Variants in RNF32 observed in about 807,000 individuals in gnomAD.
RNF32 encodes the protein ring finger protein 32.
Under a neutral mutation model 41.0 loss-of-function variants are expected in RNF32, and 36 were observed. That is an observed-to-expected ratio of 0.88 (90% CI 0.67 to 1.16). The LOEUF is 1.16. Ranked by LOEUF, RNF32 falls within the 50% of genes most tolerant of loss-of-function variation. The probability of loss-of-function intolerance (pLI) is 0.00; values close to 1 mark genes in which losing one functional copy is unlikely to be tolerated. For synonymous variants in RNF32, 154 were observed against 160.9 expected, an observed-to-expected ratio of 0.96 and a Z score of 0.32; for missense variants, 413 against 436.7, an observed-to-expected ratio of 0.95 and a Z score of 0.48.
At chr7:156,659,466 G>GT (rs1305446040) in intron 7 of RNF32, 4 of 985,168 alleles carry the variant, frequency 4.1e-6, no homozygotes, top group Non-Finnish European at 4.8e-6. Context: ...ATTCTTTCCA[G>GT]TTTTTTATCT....
intron 7 of RNF32, among the ~76,000 whole-genome samples, chr7:156,664,443 A>G (rs972556239): frequency 1.3e-5 from 2 of 152,192 alleles, no homozygotes; most frequent in Non-Finnish European, 2.9e-5. Context: ...CCTGGGCGAC[A>G]AGAGTCAAAC....
At position 156,670,843 on chromosome 7, in the gene RNF32, C is replaced by G. The variant is rs960589212; in HGVS notation, c.685-4853C>G. ...CGTTAAAGGAAATTCTAAAGGATGC[C>G]TTGCATGAGGAAGGAAAATGGCCCC... On this transcript the variant is annotated intron_variant, in intron 7 of 8. Transcript: ENST00000317955. This position sits in a 1 kb window ranked among gnomAD's most constrained non-coding sequence, Gnocchi z 4.3. Among the ~76,000 whole-genome samples the G allele has an allele frequency of 6.6e-6, 1 of 152,168 alleles. No individual in the cohort carries two copies. The highest frequency in any genetic ancestry group is 1.5e-5 in the Non-Finnish European group (1 of 68,046).
intron 7 of RNF32, among the ~76,000 whole-genome samples, chr7:156,665,221 T>C (rs1192475230): frequency 6.6e-6 from 1 of 152,220 alleles, no homozygotes; most frequent in Admixed American, 6.5e-5. Context: ...GAACAATGAC[T>C]TTATCAAGGC....
intron 8 of RNF32, 54 bp downstream of exon 8, chr7:156,675,917 C>CTGTGGGGAGTGGCA: frequency 6.4e-7 from 1 of 1,564,088 alleles, no homozygotes; most frequent in Non-Finnish European, 8.7e-7. Flanking sequence ...GCTGCAGAGG[C>CTGTGGGGAGTGGCA]TGTGGGGAGT....
intron 7 of RNF32, among the ~76,000 whole-genome samples, chr7:156,662,864 T>C (rs1481326251): frequency 6.6e-6 from 1 of 151,288 alleles, no homozygotes; most frequent in Non-Finnish European, 1.5e-5. Context: ...TTTTTTTTTT[T>C]TGAGGCACAG....
At chr7:156,656,427 A>G (rs1396462029) in intron 4 of RNF32, among the ~76,000 whole-genome samples, 3 of 152,248 alleles carry the variant, frequency 2.0e-5, no homozygotes, top group Admixed American at 6.5e-5. Flanking sequence ...AAAGTATTCT[A>G]TAAAGAATGA....
Position 156,657,656 on chromosome 7 carries a change from C to A in RNF32, c.450+83C>A. 3 of 1,288,348 alleles carry A rather than the reference C, an allele frequency of 2.3e-6. No homozygotes were observed. The South Asian group carries it at 3.6e-5, about 15-fold the overall frequency. The allele number at this position is 1,288,348 out of a possible 1,614,324, so 79.8% of individuals were successfully genotyped here. Reference sequence around the variant, plus strand: ...GAAACCATAGTCATTTTCAAGGCTCCTAAGGAGAGCCATTTATTTTATTCA... The same window carrying A: ...GAAACCATAGTCATTTTCAAGGCTCATAAGGAGAGCCATTTATTTTATTCA... On this transcript the variant is annotated intron_variant, in intron 5 of 8. Coordinates refer to ENST00000317955, the MANE Select transcript of RNF32 (RefSeq NM_030936.4).
chr7:156,675,375 A>G (rs902479677), intron 7 of RNF32, among the ~76,000 whole-genome samples: 3 of 152,168 alleles, frequency 2.0e-5, no homozygotes, highest in African/African-American at 7.2e-5. Flanking sequence ...GGGAGAGGTC[A>G]GACGGTCCCT....
At position 156,644,490 on chromosome 7, in the gene RNF32, A is replaced by G; in HGVS notation, c.16-9A>G. 1.2e-6 allele frequency: 2 copies of G among 1,601,374 alleles called. No individual in the cohort carries two copies. The highest frequency in any genetic ancestry group is 2.2e-4 in the Middle Eastern group (1 of 4,530). The stretch of plus-strand genomic sequence containing the variant: ...CTCCTCTAAATATGACTTTTTTCCT[A>G]CTTTTTAGGGTCACTCATCTAAGAA... On this transcript the variant is annotated splice_polypyrimidine_tract_variant and intron_variant, in intron 2 of 8. Coordinates refer to ENST00000317955, the MANE Select transcript of RNF32 (RefSeq NM_030936.4).
intron 1 of RNF32, among the ~76,000 whole-genome samples, chr7:156,642,258 C>T (rs189710374): frequency 3.9e-5 from 6 of 152,340 alleles, no homozygotes. Context: ...AAAGTTCCCA[C>T]AGCACATTCC....
At chr7:156,641,646 A>G (rs1797337404) in intron 1 of RNF32, among the ~76,000 whole-genome samples, 1 of 152,242 alleles carries the variant, frequency 6.6e-6, no homozygotes, top group Non-Finnish European at 1.5e-5. Context: ...TCTTACCTTG[A>G]TATTAATGAC....
Position 156,676,930 on chromosome 7 carries a change from G to A in RNF32, c.*275G>A. The A allele has an allele frequency of 2.6e-6, 1 of 385,044 alleles. No homozygotes were observed. The highest frequency in any genetic ancestry group is 4.8e-6 in the Non-Finnish European group (1 of 209,134). The allele number at this position is 385,044 out of a possible 1,614,324, so 23.9% of individuals were successfully genotyped here. A position where few individuals can be genotyped will look rare whatever the true frequency, so the allele number is the denominator to read the frequency against. On this transcript the variant is annotated 3_prime_UTR_variant, in exon 9 of 9. Coordinates refer to ENST00000317955, the MANE Select transcript of RNF32 (RefSeq NM_030936.4). The stretch of plus-strand genomic sequence containing the variant: ...GAGCTTGCTTACTTCTAAAAATTGA[G>A]GTTAAGATATAGCTAGTGTCTGAAC...
chr7:156,642,304 A>T (rs1219060415), intron 1 of RNF32, among the ~76,000 whole-genome samples: 1 of 152,200 alleles, frequency 6.6e-6, no homozygotes, highest in African/African-American at 2.4e-5. Flanking sequence ...CTAAATAAAG[A>T]CCAAAGCACT....
Position 156,659,780 on chromosome 7 carries a change from A to G in RNF32, c.684+1210A>G, listed in dbSNP as rs867674067. ...CAACCATTACAATGTGCCTTGTGTT[A>G]TCTTGTAAAGTAGCCAGTGAAGGTT... On this transcript the variant is annotated intron_variant, in intron 7 of 8. Transcript: ENST00000317955. 24 of 686,592 alleles carry G rather than the reference A, an allele frequency of 3.5e-5. No homozygotes were observed. In the South Asian group the frequency reaches 1.3e-3, roughly 37 times the overall value. The allele number at this position is 686,592 out of a possible 1,614,324, so 42.5% of individuals were successfully genotyped here.
chr7:156,640,517 A>C (rs990403159), upstream of RNF32: 1 of 359,726 alleles, frequency 2.8e-6, no homozygotes, highest in Non-Finnish European at 5.3e-6. Flanking sequence ...CCGCTGCGCG[A>C]GCCTCGACGG....
At chr7:156,671,640 G>A (rs1318860464) in intron 7 of RNF32, among the ~76,000 whole-genome samples, 1 of 150,864 alleles carries the variant, frequency 6.6e-6, no homozygotes, top group Non-Finnish European at 1.5e-5. Flanking sequence ...TGGGTGTACT[G>A]CAGGACGCCG....
At chr7:156,647,748 G>T (rs182139461) in intron 3 of RNF32, among the ~76,000 whole-genome samples, 1 of 152,310 alleles carries the variant, frequency 6.6e-6, no homozygotes, top group African/African-American at 2.4e-5. Context: ...GTTATTCAAG[G>T]AGTCTTCATA....
At chr7:156,643,407 C>G (rs1797613659) in intron 1 of RNF32, among the ~76,000 whole-genome samples, 1 of 152,228 alleles carries the variant, frequency 6.6e-6, no homozygotes, top group Non-Finnish European at 1.5e-5. Context: ...GTTCTTTCCT[C>G]CTACCTGTAA....
At position 156,659,114 on chromosome 7, in the gene RNF32, C is replaced by G. The variant is rs75374316; in HGVS notation, c.684+544C>G. On this transcript the variant is annotated intron_variant, in intron 7 of 8. Transcript: ENST00000317955. The stretch of plus-strand genomic sequence containing the variant: ...TTTGGGGGACTTATTTAACAATTTC[C>G]CATTCCTTGTCCCCATATGAAAAGG... 3.6e-3 allele frequency: 4,888 copies of G among 1,350,132 alleles called. 155 individuals carry two copies. The African/African-American group carries it at 0.067, about 19-fold the overall frequency. The allele number at this position is 1,350,132 out of a possible 1,614,324, so 83.6% of individuals were successfully genotyped here. A position where few individuals can be genotyped will look rare whatever the true frequency, so the allele number is the denominator to read the frequency against.
Sources: gnomAD v4.1 joint callset for allele counts (sites outside exome capture counted in the v4.1 genomes callset) on GRCh38, gnomAD v4.1.1 for gene constraint, Gnocchi (gnomAD v3.1) non-coding constraint, MANE v1.5 for transcripts, NCBI Gene and HGNC (gene_info 2026-07-23, HGNC 2026-07-21) for gene names.